The following PLEKHG6 variants were observed in gnomAD, a reference collection of about 807,000 sequenced individuals.
PLEKHG6 encodes pleckstrin homology and RhoGEF domain containing G6.
PLEKHG6 carries 91 observed loss-of-function variants against 97.5 expected under a neutral mutation model. The ratio of observed to expected loss-of-function variants is 0.93; its 90% CI spans 0.79 to 1.11. The LOEUF (loss-of-function observed/expected upper bound fraction) is 1.11, where lower values mean the gene tolerates loss of function less well. Ranked by LOEUF, PLEKHG6 falls within the 50% of genes most tolerant of loss-of-function variation. The probability of loss-of-function intolerance (pLI) is 0.00; values close to 1 mark genes in which losing one functional copy is unlikely to be tolerated. For synonymous variants in PLEKHG6, 466 were observed against 425.5 expected (o/e 1.10, Z -1.17); for missense variants, 1,044 against 1,031.0 (o/e 1.01, Z -0.17).
At chr12:6,322,045 G>A (rs1947723218) in intron 13 of PLEKHG6, among the ~76,000 whole-genome samples, 1 of 152,142 alleles carries the variant, frequency 6.6e-6, no homozygotes, top group Non-Finnish European at 1.5e-5. Flanking sequence ...GAGATTCAAA[G>A]CTGTCATTCG....
intron 10 of PLEKHG6, 98 bp downstream of exon 10, chr12:6,318,092 T>C: frequency 7.0e-7 from 1 of 1,422,802 alleles, no homozygotes; most frequent in Non-Finnish European, 9.5e-7. Context: ...ACTTGGGTGC[T>C]ACAAGGGTGT....
chr12:6,326,302 C>T, intron 13 of PLEKHG6, 126 bp from the exon 14 acceptor site: 1 of 527,722 alleles, frequency 1.9e-6, no homozygotes, highest in Non-Finnish European at 3.1e-6. Context: ...AAGACTCAGT[C>T]TCAAAAAATA....
chr12:6,326,981 G>T (rs940275068), intron 14 of PLEKHG6, among the ~76,000 whole-genome samples: 6 of 152,146 alleles, frequency 3.9e-5, no homozygotes, highest in African/African-American at 1.2e-4. Flanking sequence ...ATAATATCAG[G>T]TAAGTTCAGG....
chr12:6,321,894 C>T (rs1229823811), intron 13 of PLEKHG6, among the ~76,000 whole-genome samples: 1 of 150,214 alleles, frequency 6.7e-6, no homozygotes, highest in Non-Finnish European at 1.5e-5. Context: ...AAAGTCTATA[C>T]TGAATTCAGA....
chr12:6,325,835 C>T (rs1312195209), intron 13 of PLEKHG6, among the ~76,000 whole-genome samples: 1 of 152,168 alleles, frequency 6.6e-6, no homozygotes, highest in East Asian at 1.9e-4. Context: ...CCATTCTGTT[C>T]ACCCCACTCA....
rs998216047 is a variant in PLEKHG6 at position 6,313,587 on chromosome 12, G to A, written c.139-42G>A. 1.9e-6 allele frequency: 3 copies of A among 1,609,628 alleles called. No homozygotes were observed. In the African/African-American group the frequency reaches 4.0e-5, roughly 21 times the overall value. On this transcript the variant is annotated intron_variant, in intron 2 of 15. Coordinates refer to ENST00000684764, the MANE Select transcript of PLEKHG6 (RefSeq NM_001384598.1). ...CTACTACCTCTCTGGGGTTTCTGGG[G>A]AAAGGGAGGCACCCCCAGAACTTCC...
chr12:6,316,307 G>T lies in PLEKHG6; in HGVS notation c.659G>T (p.Arg220Leu). ...GNVPSLIRTH[R>L]SFWDEVLGPT... ...GTCCCCAGCCTGATTCGAACCCACC[G>T]GAGCTTTTGGGATGAGGTGCTGGGG... Residue 220 changes from arginine (R) to leucine (L), a missense_variant, in exon 7 of 16, where the codon CGG becomes CTG. Coordinates refer to ENST00000684764, the MANE Select transcript of PLEKHG6 (RefSeq NM_001384598.1). This position sits in a 1 kb window ranked among gnomAD's most constrained non-coding sequence, Gnocchi z 4.1. 6.4e-7 allele frequency: 1 copy of T among 1,556,716 alleles called. No individual in the cohort carries two copies. Among genetic ancestry groups the T allele is most frequent in the East Asian group, 2.4e-5 (1 of 41,688 alleles).
At chr12:6,314,273 C>T (rs768852556) in intron 3 of PLEKHG6, among the ~76,000 whole-genome samples, 5 of 152,080 alleles carry the variant, frequency 3.3e-5, no homozygotes, top group Non-Finnish European at 5.9e-5. Context: ...GAGGCCAAGA[C>T]GGGCGGATCA....
intron 13 of PLEKHG6, chr12:6,319,489 A>C: frequency 6.9e-7 from 1 of 1,441,698 alleles, no homozygotes; most frequent in Non-Finnish European, 9.1e-7. Flanking sequence ...GGAAGGAACG[A>C]ATGAACATGG....
Position 6,327,373 on chromosome 12 carries a change from C to T in PLEKHG6, c.1790C>T (p.Thr597Ile). The change falls in exon 15 of 16, where the codon ACC (threonine) becomes ATC (isoleucine). Residue 597 changes from threonine to isoleucine, a missense_variant. By Grantham distance (89) the Thr-to-Ile change is moderately conservative. Coordinates refer to ENST00000684764, the MANE Select transcript of PLEKHG6 (RefSeq NM_001384598.1). The stretch of plus-strand genomic sequence containing the variant: ...GGCTACGGCACTTTGATCCCAGGCA[C>T]CCCCACGGGGTCCCGCTCCCCACTG... The part of the protein sequence containing the change: ...DSGYGTLIPG[T>I]PTGSRSPLSR... 6 of 1,614,116 alleles carry T rather than the reference C, an allele frequency of 3.7e-6. No homozygotes were observed. Among genetic ancestry groups the T allele is most frequent in the Non-Finnish European group, 5.1e-6 (6 of 1,179,984 alleles).
rs574741683 is a variant in PLEKHG6, at chr12:6,322,813, A to G, written c.1525-3615A>G. Among the ~76,000 whole-genome samples the G allele has an allele frequency of 7.6e-4, 116 of 152,318 alleles. 1 individual carries two copies. Among genetic ancestry groups the G allele is most frequent in the African/African-American group, 2.6e-3 (109 of 41,586 alleles). On this transcript the variant is annotated intron_variant, in intron 13 of 15. Coordinates refer to ENST00000684764, the MANE Select transcript of PLEKHG6 (RefSeq NM_001384598.1). ...GGAGGATCACTTGAACCCGGGAGAT[A>G]GAGCCTGCGGTGAGCTATGTTCCCA...
At chr12:6,327,225 C>A in intron 14 of PLEKHG6, 29 bp from the exon 15 acceptor site, 1 of 1,413,878 alleles carries the variant, frequency 7.1e-7, no homozygotes, top group Non-Finnish European at 9.7e-7. Flanking sequence ...TTGACCCCTA[C>A]GCATCTGACT....
At chr12:6,317,043 C>T (rs1031025248) in intron 7 of PLEKHG6, among the ~76,000 whole-genome samples, 2 of 152,290 alleles carry the variant, frequency 1.3e-5, no homozygotes, top group East Asian at 3.9e-4. Flanking sequence ...GAGCAGCAGG[C>T]CCCAGTAGCA....
chr12:6,327,238 T>C lies in PLEKHG6; in HGVS notation c.1671-16T>C, dbSNP rs773540998. 3.7e-5 allele frequency: 57 copies of C among 1,522,816 alleles called. No homozygotes were observed. The Admixed American group carries it at 1.1e-3, about 29-fold the overall frequency. 94.3% of individuals were successfully genotyped at this position (1,522,816 alleles called of 1,614,324 possible). A position where few individuals can be genotyped will look rare whatever the true frequency, so the allele number is the denominator to read the frequency against. On this transcript the variant is annotated splice_polypyrimidine_tract_variant and intron_variant, in intron 14 of 15. Transcript: ENST00000684764. ...ACTTGACCCCTACGCATCTGACTCT[T>C]TGCCATTAACTGTAGGACTCCTGAG...
rs373530657 is a variant in PLEKHG6 at position 6,317,387 on chromosome 12, A to G, written c.841A>G (p.Asn281Asp). 3.0e-5 allele frequency: 49 copies of G among 1,613,888 alleles called. No individual in the cohort carries two copies. The highest frequency in any genetic ancestry group is 3.9e-5 in the Non-Finnish European group (46 of 1,179,912). ...MAYAREQQETNPLFHAFVQWC... is the reference protein window; with the variant it reads ...MAYAREQQETDPLFHAFVQWC... The stretch of plus-strand genomic sequence containing the variant: ...TTACGCCCGAGAACAGCAAGAAACT[A>G]ACCCTCTCTTCCATGCCTTCGTGCA... Residue 281 changes from asparagine to aspartate, a missense_variant, in exon 8 of 16, where the codon AAC becomes GAC. Asn to Asp is a conservative substitution (Grantham distance 23). Coordinates refer to ENST00000684764, the MANE Select transcript of PLEKHG6 (RefSeq NM_001384598.1).
At chr12:6,318,610 C>A in intron 11 of PLEKHG6, 135 bp from the exon 12 acceptor site, 1 of 1,174,646 alleles carries the variant, frequency 8.5e-7, no homozygotes, top group Non-Finnish European at 1.2e-6. Context: ...CAAAGCGACG[C>A]CCCTGGCCAC....
In PLEKHG6 at chr12:6,315,033, T is replaced by C; in HGVS notation, c.323T>C (p.Val108Ala). The C allele has an allele frequency of 1.9e-6, 3 of 1,613,076 alleles. No homozygotes were observed. Among genetic ancestry groups the C allele is most frequent in the African/African-American group, 1.3e-5 (1 of 74,752 alleles). ...CTCACCAAGGCCCATGAGCTGGAGG[T>C]GAGGCTGCACACTTTCAGCATGTTT... Reference protein sequence around the residue: ...KELTKAHELEVRLHTFSMFGM... With the variant: ...KELTKAHELEARLHTFSMFGM... Residue 108 changes from valine (V) to alanine (A), a missense_variant, in exon 4 of 16, where the codon GTG becomes GCG. Physicochemically the swap from Val to Ala is moderately conservative, Grantham distance 64. Coordinates refer to ENST00000684764, the MANE Select transcript of PLEKHG6 (RefSeq NM_001384598.1). This position sits in a 1 kb window ranked among gnomAD's most constrained non-coding sequence, Gnocchi z 4.5.
In PLEKHG6 at chr12:6,326,458, T is replaced by C; in HGVS notation, c.1555T>C (p.Tyr519His). ...AALQKLKAEE[Y>H]VQQKRELLTL... ...CCTACAGAAGCTGAAGGCAGAGGAG[T>C]ATGTTCAACAGAAGAGGGAGCTCCT... The change falls in exon 14 of 16, where the codon TAT becomes CAT. Residue 519 changes from tyrosine (Y) to histidine (H), a missense_variant. Coordinates refer to ENST00000684764, the MANE Select transcript of PLEKHG6 (RefSeq NM_001384598.1). 6.2e-7 allele frequency: 1 copy of C among 1,612,134 alleles called. No individual in the cohort carries two copies.
intron 13 of PLEKHG6, chr12:6,319,421 C>G: frequency 9.8e-7 from 1 of 1,018,910 alleles, no homozygotes. Flanking sequence ...GCACTCTAGC[C>G]TGGGTGACAG....
Sources: gnomAD v4.1 joint callset for allele counts (sites outside exome capture counted in the v4.1 genomes callset) on GRCh38, gnomAD v4.1.1 for gene constraint, Gnocchi (gnomAD v3.1) non-coding constraint, MANE v1.5 for transcripts, NCBI Gene and HGNC (gene_info 2026-07-23, HGNC 2026-07-21) for gene names.